NTRK3: variants seen among roughly 807,000 people sequenced by gnomAD.
NTRK3 encodes the protein NT-3 growth factor receptor.
Under a neutral mutation model 91.7 loss-of-function variants are expected in NTRK3, and 24 were observed. The ratio of observed to expected loss-of-function variants is 0.26; its 90% CI spans 0.19 to 0.37. NTRK3 has a LOEUF of 0.37. NTRK3 is among the 10% of genes least tolerant of loss of function. NTRK3 has a pLI of 1.00. For missense variants in NTRK3, 880 were observed against 1,068.9 expected, an observed-to-expected ratio of 0.82 and a Z score of 2.46; for synonymous variants, 483 against 404.0, an observed-to-expected ratio of 1.20 and a Z score of -2.34.
intron 14 of NTRK3, among the ~76,000 whole-genome samples, chr15:87,993,729 G>T (rs1393355475): frequency 6.6e-6 from 1 of 152,270 alleles, no homozygotes; most frequent in East Asian, 1.9e-4. Context: ...TCAAATCCCT[G>T]CTTGCACTGT....
chr15:87,996,287 T>A (rs938046790), intron 14 of NTRK3, among the ~76,000 whole-genome samples: 1 of 152,000 alleles, frequency 6.6e-6, no homozygotes, highest in African/African-American at 2.4e-5. Context: ...ATTCTTAGCT[T>A]AAGAGTTGTA....
intron 13 of NTRK3, among the ~76,000 whole-genome samples, chr15:88,061,461 A>C (rs2046209124): frequency 6.6e-6 from 1 of 152,228 alleles, no homozygotes; most frequent in Non-Finnish European, 1.5e-5. Flanking sequence ...CGTGGCTGCT[A>C]AGAGCATCTT....
At chr15:87,955,708 T>G (rs1235610984) in intron 14 of NTRK3, among the ~76,000 whole-genome samples, 1 of 152,098 alleles carries the variant, frequency 6.6e-6, no homozygotes, top group Non-Finnish European at 1.5e-5. Context: ...ATTGGCCCCA[T>G]TCCAGCCCCC....
At chr15:87,961,277 C>T (rs1181056852) in intron 14 of NTRK3, among the ~76,000 whole-genome samples, 4 of 152,174 alleles carry the variant, frequency 2.6e-5, no homozygotes, top group African/African-American at 7.2e-5. Flanking sequence ...ACCATGTAAA[C>T]CTGATGCATA....
chr15:87,930,534 G>A (rs2068702009), intron 16 of NTRK3, among the ~76,000 whole-genome samples: 1 of 152,106 alleles, frequency 6.6e-6, no homozygotes. Context: ...AAGGAAGAGG[G>A]GTCAGCAGAG....
chr15:87,897,159 G>T (rs1314523940), intron 17 of NTRK3, among the ~76,000 whole-genome samples: 3 of 152,130 alleles, frequency 2.0e-5, no homozygotes, highest in African/African-American at 7.2e-5. Context: ...CCGTTTAGCA[G>T]TGTGAGCCTA....
rs1331250761 is a variant in NTRK3, at chr15:88,009,094, A to G, written c.1585+23763T>C. On this transcript the variant is annotated intron_variant, in intron 14 of 18. Transcript: ENST00000394480. ...TGGGAAGAGACTTGTCATTGTCTGC[A>G]TGTTTTTGAGGCTTATAGCTAAAGA... is the stretch of plus-strand genomic sequence containing the variant. Among the ~76,000 whole-genome samples the G allele has an allele frequency of 1.3e-5, 2 of 152,168 alleles. 1 individual carries two copies. Among genetic ancestry groups the G allele is most frequent in the African/African-American group, 4.8e-5 (2 of 41,452 alleles).
intron 17 of NTRK3, among the ~76,000 whole-genome samples, chr15:87,884,411 T>A (rs1489828169): frequency 6.6e-6 from 1 of 151,772 alleles, no homozygotes; most frequent in Admixed American, 6.6e-5. Flanking sequence ...TTCTGTCTTA[T>A]TTATACTTTT....
chr15:87,888,830 G>A (rs560316372), intron 17 of NTRK3, among the ~76,000 whole-genome samples: 1 of 151,830 alleles, frequency 6.6e-6, no homozygotes, highest in Non-Finnish European at 1.5e-5. Context: ...TATTTGCAAA[G>A]TCTGGCAACT....
At chr15:87,991,677 G>A (rs572754725) in intron 14 of NTRK3, among the ~76,000 whole-genome samples, 1 of 151,966 alleles carries the variant, frequency 6.6e-6, no homozygotes, top group Non-Finnish European at 1.5e-5. Flanking sequence ...TCAAACTCTT[G>A]GAGTCATCTT....
At position 88,245,155 on chromosome 15, in the gene NTRK3, T is replaced by C. The variant is rs528935231; in HGVS notation, c.248+10751A>G. On this transcript the variant is annotated intron_variant, in intron 3 of 18. Coordinates refer to ENST00000394480, the Ensembl canonical transcript of NTRK3. ...CCTTCTCTTGCCTCCGTCAGCTTTGTCCACATGCTAGTTCCCTCATGCAAC... is the reference window on the plus strand; with the variant it reads ...CCTTCTCTTGCCTCCGTCAGCTTTGCCCACATGCTAGTTCCCTCATGCAAC... Among the ~76,000 whole-genome samples, 5 of 152,326 alleles carry C rather than the reference T, an allele frequency of 3.3e-5. No homozygotes were observed. In the East Asian group the frequency reaches 9.7e-4, roughly 29 times the overall value.
intron 13 of NTRK3, among the ~76,000 whole-genome samples, chr15:88,064,538 C>T (rs1335535442): frequency 6.6e-6 from 1 of 152,108 alleles, no homozygotes; most frequent in Non-Finnish European, 1.5e-5. Flanking sequence ...TTTCACAGAT[C>T]ATGACACTAA....
intron 13 of NTRK3, among the ~76,000 whole-genome samples, chr15:88,062,442 T>A (rs1420847201): frequency 6.6e-6 from 1 of 152,150 alleles, no homozygotes; most frequent in Non-Finnish European, 1.5e-5. Context: ...TAAACAGAAG[T>A]CTTGGCTAGT....
intron 14 of NTRK3, among the ~76,000 whole-genome samples, chr15:87,948,935 T>C (rs906437103): frequency 6.6e-6 from 1 of 152,182 alleles, no homozygotes; most frequent in African/African-American, 2.4e-5. Flanking sequence ...GAGTTTGACA[T>C]TTTTACAAAG....
rs149007916 is a variant in NTRK3, at chr15:88,155,179, G to C, written c.396-7776C>G. ...GACCTTGAGATCAGGAAGTTATCAT[G>C]AATTATCCCATGGTCCCAAGGTAAT... On this transcript the variant is annotated intron_variant, in intron 5 of 18. Transcript: ENST00000394480. Among the ~76,000 whole-genome samples the C allele has an allele frequency of 3.0e-3, 456 of 152,334 alleles. 3 individuals are homozygous for C. The highest frequency in any genetic ancestry group is 8.0e-3 in the Admixed American group (122 of 15,310).
At chr15:88,129,094 G>A (rs550642461) in intron 10 of NTRK3, among the ~76,000 whole-genome samples, 8 of 152,200 alleles carry the variant, frequency 5.3e-5, no homozygotes, top group Admixed American at 1.3e-4. Context: ...GGAATGGGGC[G>A]ACAGGGTGGG....
chr15:88,093,710 C>T (rs1391684137), intron 13 of NTRK3, among the ~76,000 whole-genome samples: 1 of 152,120 alleles, frequency 6.6e-6, no homozygotes, highest in African/African-American at 2.4e-5. Flanking sequence ...CTGCCATGAG[C>T]ACTATGGACC....
chr15:88,066,705 A>C (rs2046680618), intron 13 of NTRK3, among the ~76,000 whole-genome samples: 1 of 152,056 alleles, frequency 6.6e-6, no homozygotes, highest in Admixed American at 6.5e-5. Flanking sequence ...GCCTTGGCCA[A>C]TCCCATGTTC....
At chr15:87,883,217 T>C (rs1030465628) in intron 17 of NTRK3, among the ~76,000 whole-genome samples, 1 of 150,254 alleles carries the variant, frequency 6.7e-6, no homozygotes, top group Non-Finnish European at 1.5e-5. Flanking sequence ...AAAAAAGGAT[T>C]CAAAATGTCA....
Sources: allele counts gnomAD v4.1 joint callset (sites outside exome capture counted in the v4.1 genomes callset), GRCh38; gene constraint gnomAD v4.1.1; transcripts MANE v1.5; gene names NCBI Gene and HGNC (gene_info 2026-07-23, HGNC 2026-07-21).